The following DNAJC1 variants were observed in gnomAD, a reference collection of about 807,000 sequenced individuals.
The protein encoded by DNAJC1 is dnaJ homolog subfamily C member 1.
A neutral mutation model predicts 76.6 loss-of-function variants in DNAJC1; 58 were observed. The observed-to-expected ratio is 0.76, with a 90% CI of 0.61 to 0.94. The LOEUF (loss-of-function observed/expected upper bound fraction) is 0.94, where lower values mean the gene tolerates loss of function less well. DNAJC1 is among the 40% of genes least tolerant of loss of function. The pLI is 0.00. For missense variants in DNAJC1, 689 were observed against 677.3 expected (o/e 1.02, Z -0.19); for synonymous variants, 258 against 267.9 (o/e 0.96, Z 0.36).
At chr10:21,889,191 T>C (rs1043521753) in intron 7 of DNAJC1, among the ~76,000 whole-genome samples, 2 of 152,108 alleles carry the variant, frequency 1.3e-5, no homozygotes, top group African/African-American at 2.4e-5. Context: ...GTGTCTTACA[T>C]GGCAGGGGCA....
At chr10:21,836,999 G>A (rs932925401) in intron 8 of DNAJC1, among the ~76,000 whole-genome samples, 1 of 152,180 alleles carries the variant, frequency 6.6e-6, no homozygotes, top group Admixed American at 6.5e-5. Context: ...TCGGCTCACT[G>A]CAACCTCCCT....
At position 21,919,246 on chromosome 10, in the gene DNAJC1, T is replaced by C. The variant is rs533012436; in HGVS notation, c.636-374A>G. ...TAAAAAACTAACCATCATCAGAGTG[T>C]TCCCAAGTGCTGACAACCAGATATG... On this transcript the variant is annotated intron_variant, in intron 5 of 11. Coordinates refer to ENST00000376980, the MANE Select transcript of DNAJC1 (RefSeq NM_022365.4). 1.8e-4 allele frequency among the ~76,000 whole-genome samples: 27 copies of C among 152,106 alleles called. 1 individual carries two copies. Among genetic ancestry groups the C allele is most frequent in the African/African-American group, 6.3e-4 (26 of 41,540 alleles).
chr10:21,840,150 G>A (rs983300314), intron 8 of DNAJC1, among the ~76,000 whole-genome samples: 9 of 152,242 alleles, frequency 5.9e-5, no homozygotes, highest in Non-Finnish European at 8.8e-5. Context: ...ATATCATACC[G>A]AATGGGCAAA....
chr10:21,942,634 G>A (rs1198833278), intron 1 of DNAJC1, among the ~76,000 whole-genome samples: 6 of 151,760 alleles, frequency 4.0e-5, no homozygotes, highest in South Asian at 4.2e-4. Context: ...GTGAAACGCC[G>A]TCTCTACTAA....
At chr10:21,854,693 AT>A (rs1835807980) in intron 8 of DNAJC1, among the ~76,000 whole-genome samples, 1 of 152,174 alleles carries the variant, frequency 6.6e-6, no homozygotes, top group African/African-American at 2.4e-5. Context: ...ATGTGATAAG[AT>A]TCAAGGCAGA....
In DNAJC1 at chr10:21,967,011, CTTCTT is replaced by C. The variant is rs1819576114; in HGVS notation, c.222+36197_222+36201del. Among the ~76,000 whole-genome samples, 15 of 75,202 alleles carry C rather than the reference CTTCTT, an allele frequency of 2.0e-4. No homozygotes were observed. In the South Asian group the frequency reaches 7.9e-3, roughly 40 times the overall value. The allele number at this position is 75,202 out of a possible 152,430, so 49.3% of individuals were successfully genotyped here. ...CCTTGCCCACCTTTTTCTTCTTCTT[CTTCTT>C]TTTTTTTTTTTTTTACAGTATCTCT... On this transcript the variant is annotated intron_variant, in intron 1 of 11. Transcript: ENST00000376980.
intron 10 of DNAJC1, among the ~76,000 whole-genome samples, chr10:21,760,356 T>C (rs1834227102): frequency 6.6e-6 from 1 of 152,180 alleles, no homozygotes; most frequent in Non-Finnish European, 1.5e-5. Context: ...AGCACTGATA[T>C]CCTCAATACA....
At chr10:21,798,430 A>G (rs141390820) in intron 9 of DNAJC1, among the ~76,000 whole-genome samples, 2 of 152,252 alleles carry the variant, frequency 1.3e-5, no homozygotes, top group African/African-American at 4.8e-5. Context: ...CTGGTCTTCC[A>G]CTACTTCTCA....
chr10:21,911,376 A>G (rs750129964), intron 6 of DNAJC1, among the ~76,000 whole-genome samples: 32 of 151,150 alleles, frequency 2.1e-4, no homozygotes, highest in Non-Finnish European at 3.7e-4. Flanking sequence ...TCTCCCATTG[A>G]CTTATACTAT....
chr10:21,763,431 A>T, intron 10 of DNAJC1, among the ~76,000 whole-genome samples: 1 of 152,198 alleles, frequency 6.6e-6, no homozygotes, highest in Non-Finnish European at 1.5e-5. Flanking sequence ...AAGACTAGTT[A>T]TACTTCTAGA....
intron 6 of DNAJC1, among the ~76,000 whole-genome samples, chr10:21,905,998 T>C (rs955149053): frequency 4.6e-5 from 7 of 152,120 alleles, no homozygotes; most frequent in African/African-American, 1.4e-4. Flanking sequence ...CCCTAGAAAC[T>C]CTTTTCGTCT....
At chr10:21,935,317 G>A (rs996026486) in intron 1 of DNAJC1, among the ~76,000 whole-genome samples, 1 of 151,988 alleles carries the variant, frequency 6.6e-6, no homozygotes, top group African/African-American at 2.4e-5. Context: ...AGAAATTCTG[G>A]ACTAGCAAAA....
chr10:21,922,166 AC>A (rs1330631943), intron 3 of DNAJC1, among the ~76,000 whole-genome samples: 3 of 151,990 alleles, frequency 2.0e-5, no homozygotes. Flanking sequence ...CAGCTGCTAA[AC>A]TGCCAGTCTT....
intron 8 of DNAJC1, among the ~76,000 whole-genome samples, chr10:21,822,778 T>C (rs999958743): frequency 1.3e-5 from 2 of 151,922 alleles, no homozygotes; most frequent in African/African-American, 4.8e-5. Flanking sequence ...TCCATAAAAT[T>C]AAGGTAGGAT....
intron 9 of DNAJC1, chr10:21,785,153 T>C (rs1027237340): frequency 6.6e-6 from 1 of 152,222 alleles, no homozygotes; most frequent in Non-Finnish European, 1.5e-5. Context: ...AACAGCTTTG[T>C]GCACTGGCAG....
chr10:21,883,881 G>A (rs939584562), intron 7 of DNAJC1, among the ~76,000 whole-genome samples: 1 of 152,096 alleles, frequency 6.6e-6, no homozygotes, highest in African/African-American at 2.4e-5. Flanking sequence ...ATAAGTCTAG[G>A]ATTGTCTATA....
chr10:21,994,948 A>G (rs1178761774), intron 1 of DNAJC1, among the ~76,000 whole-genome samples: 3 of 148,416 alleles, frequency 2.0e-5, no homozygotes, highest in Non-Finnish European at 4.5e-5. Context: ...TATATTATAT[A>G]TATTTATACA....
At chr10:21,988,334 C>T (rs1425298311) in intron 1 of DNAJC1, among the ~76,000 whole-genome samples, 1 of 151,952 alleles carries the variant, frequency 6.6e-6, no homozygotes, top group African/African-American at 2.4e-5. Context: ...CATGTTGTTA[C>T]CCTCAAAAGA....
chr10:21,758,203 T>G (rs1834198458), intron 11 of DNAJC1, among the ~76,000 whole-genome samples: 1 of 152,008 alleles, frequency 6.6e-6, no homozygotes, highest in South Asian at 2.1e-4. Context: ...AACATAGAAT[T>G]TCAATTAAAA....
Sources: allele counts gnomAD v4.1 joint callset (sites outside exome capture counted in the v4.1 genomes callset), GRCh38; gene constraint gnomAD v4.1.1; transcripts MANE v1.5; gene names NCBI Gene and HGNC (gene_info 2026-07-23, HGNC 2026-07-21).